The following RGS7BP variants were observed in gnomAD, a reference collection of about 807,000 sequenced individuals.
The protein encoded by RGS7BP is regulator of G protein signaling 7 binding protein.
In RGS7BP, 9 loss-of-function variants were observed where a neutral mutation model predicts 31.3. The observed-to-expected ratio is 0.29, with a 90% CI of 0.17 to 0.50. The LOEUF is 0.50. Among genes scored for constraint, RGS7BP ranks in the 20% least tolerant of loss-of-function variants. The probability of loss-of-function intolerance (pLI) is 0.98; values close to 1 mark genes in which losing one functional copy is unlikely to be tolerated. For synonymous variants in RGS7BP, 115 were observed against 120.1 expected, an observed-to-expected ratio of 0.96 and a Z score of 0.28; for missense variants, 274 against 322.0, an observed-to-expected ratio of 0.85 and a Z score of 1.14.
intron 2 of RGS7BP, among the ~76,000 whole-genome samples, chr5:64,568,931 A>C (rs1194133425): frequency 2.6e-5 from 3 of 117,110 alleles, no homozygotes; most frequent in Non-Finnish European, 3.9e-5. Context: ...TGCTGGTCGA[A>C]GGCAAGCAAG....
At chr5:64,530,166 T>C (rs542380498) in intron 2 of RGS7BP, among the ~76,000 whole-genome samples, 1 of 151,890 alleles carries the variant, frequency 6.6e-6, no homozygotes, top group South Asian at 2.1e-4. Flanking sequence ...GGCTTTCAAA[T>C]TGAGAAAAAA....
chr5:64,518,311 C>T (rs1749024533), intron 2 of RGS7BP, among the ~76,000 whole-genome samples: 1 of 145,764 alleles, frequency 6.9e-6, no homozygotes, highest in Admixed American at 7.1e-5. Context: ...GCGGTAGATA[C>T]AACAGCTTTG....
intron 2 of RGS7BP, among the ~76,000 whole-genome samples, chr5:64,515,043 G>A (rs751968603): frequency 6.6e-5 from 10 of 152,078 alleles, no homozygotes; most frequent in South Asian, 2.1e-4. Context: ...AAAATTCCCC[G>A]TCACTTTATT....
intron 2 of RGS7BP, among the ~76,000 whole-genome samples, chr5:64,551,211 T>C (rs1255050941): frequency 6.6e-6 from 1 of 151,606 alleles, no homozygotes; most frequent in African/African-American, 2.4e-5. Context: ...TTACTGTCTA[T>C]AGAAGCATCC....
chr5:64,573,343 T>C (rs1461841330), intron 2 of RGS7BP, among the ~76,000 whole-genome samples: 1 of 152,160 alleles, frequency 6.6e-6, no homozygotes, highest in Non-Finnish European at 1.5e-5. Flanking sequence ...AATATGTTAA[T>C]ATGGTAGTCA....
At position 64,556,485 on chromosome 5, in the gene RGS7BP, C is replaced by T. The variant is rs906658863; in HGVS notation, c.333-19289C>T. On this transcript the variant is annotated intron_variant, in intron 2 of 5. Transcript: ENST00000334025. ...CAAAATTGGCTTCCAGTGATTTTAACGGAGTAAAAGAAAATGTCCAGATGG... is the reference window on the plus strand; with the variant it reads ...CAAAATTGGCTTCCAGTGATTTTAATGGAGTAAAAGAAAATGTCCAGATGG... Among the ~76,000 whole-genome samples the T allele has an allele frequency of 6.2e-5, 9 of 145,950 alleles. No individual in the cohort carries two copies. The Admixed American group carries it at 6.2e-4, about 10-fold the overall frequency.
chr5:64,518,460 A>G (rs1416370415), intron 2 of RGS7BP, among the ~76,000 whole-genome samples: 1 of 152,216 alleles, frequency 6.6e-6, no homozygotes, highest in Non-Finnish European at 1.5e-5. Context: ...AGATGATATT[A>G]TTAAGGAATG....
At chr5:64,591,746 C>T (rs76969296) in intron 3 of RGS7BP, among the ~76,000 whole-genome samples, 1,917 of 152,160 alleles carry the variant, frequency 0.013, 32 homozygotes, top group Middle Eastern at 0.02. Context: ...AATTAAAATG[C>T]ACTAACAGGA....
intron 2 of RGS7BP, 186 bp from the exon 3 acceptor site, chr5:64,575,588 G>A (rs569303050): frequency 6.9e-5 from 78 of 1,128,584 alleles, no homozygotes; most frequent in Non-Finnish European, 8.2e-5. Context: ...AGAACTGTTA[G>A]TCAGAAAGAG....
At chr5:64,594,050 T>G (rs947983925) in intron 3 of RGS7BP, among the ~76,000 whole-genome samples, 2 of 152,160 alleles carry the variant, frequency 1.3e-5, no homozygotes, top group African/African-American at 4.8e-5. Context: ...AATACAAGTC[T>G]TAGTGGGTAG....
At chr5:64,553,965 A>G (rs1296632784) in intron 2 of RGS7BP, among the ~76,000 whole-genome samples, 1 of 152,172 alleles carries the variant, frequency 6.6e-6, no homozygotes, top group Non-Finnish European at 1.5e-5. Context: ...ACTCCATTAA[A>G]AAGGGGCTTG....
At chr5:64,605,729 C>T (rs1743334548) in intron 5 of RGS7BP, among the ~76,000 whole-genome samples, 1 of 151,886 alleles carries the variant, frequency 6.6e-6, no homozygotes, top group Non-Finnish European at 1.5e-5. Context: ...AGCAAAGATG[C>T]CCCAAACCAG....
intron 3 of RGS7BP, among the ~76,000 whole-genome samples, chr5:64,585,236 AG>A (rs1742711803): frequency 6.6e-6 from 1 of 152,154 alleles, no homozygotes; most frequent in Non-Finnish European, 1.5e-5. Flanking sequence ...CCACCAAGGA[AG>A]TGATAGGGCA....
chr5:64,607,656 T>G (rs1305273837), intron 5 of RGS7BP, among the ~76,000 whole-genome samples: 1 of 151,988 alleles, frequency 6.6e-6, no homozygotes. Flanking sequence ...CAAAAATAGA[T>G]TATAAATGCT....
intron 2 of RGS7BP, among the ~76,000 whole-genome samples, chr5:64,535,611 G>C (rs1330679237): frequency 2.6e-5 from 4 of 152,312 alleles, no homozygotes; most frequent in Admixed American, 6.5e-5. Context: ...CCAACATAGA[G>C]AGCTTCAATT....
At position 64,507,897 on chromosome 5, in the gene RGS7BP, T is replaced by A. The variant is rs1217923223; in HGVS notation, c.332+20T>A. The A allele has an allele frequency of 5.0e-6, 8 of 1,604,800 alleles. No individual in the cohort carries two copies. Among genetic ancestry groups the A allele is most frequent in the Non-Finnish European group, 6.8e-6 (8 of 1,174,118 alleles). ...CTCAGGGTAGGAGACTCGGCATTAT[T>A]TGGTAATCCATATACATGATGCATG... On this transcript the variant is annotated intron_variant, in intron 2 of 5. Transcript: ENST00000334025.
At chr5:64,543,921 C>T (rs186415919) in intron 2 of RGS7BP, among the ~76,000 whole-genome samples, 2 of 152,232 alleles carry the variant, frequency 1.3e-5, no homozygotes, top group Non-Finnish European at 2.9e-5. Flanking sequence ...AATAAAATCC[C>T]TGGCATCTCT....
chr5:64,553,709 T>C (rs1246341152), intron 2 of RGS7BP, among the ~76,000 whole-genome samples: 2 of 152,098 alleles, frequency 1.3e-5, no homozygotes, highest in Non-Finnish European at 2.9e-5. Flanking sequence ...ATAATATCTA[T>C]ACATCATAAG....
At chr5:64,553,109 G>A (rs1741834618) in intron 2 of RGS7BP, among the ~76,000 whole-genome samples, 2 of 149,294 alleles carry the variant, frequency 1.3e-5, no homozygotes, top group Non-Finnish European at 3.0e-5. Context: ...GAGCTTTATA[G>A]TTAATCTTTC....
Sources: gnomAD v4.1 joint callset for allele counts (sites outside exome capture counted in the v4.1 genomes callset) on GRCh38, gnomAD v4.1.1 for gene constraint, MANE v1.5 for transcripts, NCBI Gene and HGNC (gene_info 2026-07-23, HGNC 2026-07-21) for gene names.